The following UBIAD1 variants were observed in gnomAD, a reference collection of about 807,000 sequenced individuals.
UBIAD1 encodes the protein UbiA prenyltransferase domain containing 1, also known as ubiA prenyltransferase domain-containing protein 1.
A neutral mutation model predicts 20.1 loss-of-function variants in UBIAD1; 12 were observed. The ratio of observed to expected loss-of-function variants is 0.60; its 90% CI spans 0.38 to 0.97. The LOEUF (loss-of-function observed/expected upper bound fraction) is 0.97. Ranked by LOEUF, UBIAD1 falls within the 50% of genes least tolerant of loss-of-function variation. The probability of loss-of-function intolerance (pLI) is 0.00; values close to 1 mark genes in which losing one functional copy is unlikely to be tolerated. For synonymous variants in UBIAD1, 207 were observed against 189.2 expected, an observed-to-expected ratio of 1.09 and a Z score of -0.77; for missense variants, 333 against 419.5, an observed-to-expected ratio of 0.79 and a Z score of 1.80.
At chr1:11,296,667 G>A (rs1569915121), downstream of UBIAD1, among the ~76,000 whole-genome samples, 1 of 152,136 alleles carries the variant, frequency 6.6e-6, no homozygotes, top group Admixed American at 6.6e-5. Flanking sequence ...CTACAGGCTT[G>A]CACCACCATG....
intron 1 of UBIAD1, among the ~76,000 whole-genome samples, chr1:11,280,236 A>G (rs960223568): frequency 6.6e-6 from 1 of 152,058 alleles, no homozygotes; most frequent in African/African-American, 2.4e-5. Context: ...TGGGTGAGAG[A>G]GAGTGTGACA....
At chr1:11,274,636 G>A (rs2101013615) in intron 1 of UBIAD1, among the ~76,000 whole-genome samples, 1 of 151,554 alleles carries the variant, frequency 6.6e-6, no homozygotes, top group Non-Finnish European at 1.5e-5. Flanking sequence ...TTGAGACAGA[G>A]TCTCGCTCTG....
downstream of UBIAD1, among the ~76,000 whole-genome samples, chr1:11,292,668 T>TATATACACAC (rs1223161585): frequency 9.1e-4 from 128 of 140,738 alleles, 2 homozygotes; most frequent in South Asian, 0.01. Context: ...ATTTTATGTA[T>TATATACACAC]ACACACACAC....
At chr1:11,274,892 G>A (rs2788554) in intron 1 of UBIAD1, among the ~76,000 whole-genome samples, 1,598 of 152,160 alleles carry the variant, frequency 0.011, 41 homozygotes, top group African/African-American at 0.036. Context: ...ACAGGCGTGA[G>A]CCACCATGCC....
In UBIAD1 at chr1:11,288,144, C is replaced by T. The variant is rs1170927910; in HGVS notation, c.*2013C>T. On this transcript the variant is annotated 3_prime_UTR_variant, in exon 2 of 2. Transcript: ENST00000376810. ...TCACAGGGGTTTTGCCTTCTGACCTCTCCTTGGAGTAGGCCATTCTCATGC... is the reference window on the plus strand; with the variant it reads ...TCACAGGGGTTTTGCCTTCTGACCTTTCCTTGGAGTAGGCCATTCTCATGC... The T allele has an allele frequency of 1.3e-5, 2 of 152,174 alleles. No homozygotes were observed. The highest frequency in any genetic ancestry group is 2.9e-5 in the Non-Finnish European group (2 of 68,036). The allele number at this position is 152,174 out of a possible 1,614,324, so 9.4% of individuals were successfully genotyped here. A position where few individuals can be genotyped will look rare whatever the true frequency, so the allele number is the denominator to read the frequency against.
intron 1 of UBIAD1, among the ~76,000 whole-genome samples, chr1:11,281,491 G>A (rs796696565): frequency 1.6e-4 from 24 of 152,274 alleles, no homozygotes; most frequent in African/African-American, 5.8e-4. Context: ...TGAACAAATG[G>A]GAAGGCATTG....
Position 11,285,662 on chromosome 1 carries a change from TGG to T in UBIAD1, c.549_550del (p.Ala184SerfsTer113). 6.2e-7 allele frequency: 1 copy of T among 1,614,206 alleles called. No individual in the cohort carries two copies. Among genetic ancestry groups the T allele is most frequent in the Non-Finnish European group, 8.5e-7 (1 of 1,180,042 alleles). ...GCCGCAGGAATTGGATTCAAGTACG[TGG>T]CTCTGGGAGACCTCATCATCCTCAT... On this transcript the variant is annotated frameshift_variant, in exon 2 of 2. Coordinates refer to ENST00000376810, the MANE Select transcript of UBIAD1 (RefSeq NM_013319.3). LOFTEE classifies it high-confidence loss of function. This position sits in a 1 kb window ranked among gnomAD's most constrained non-coding sequence, Gnocchi z 4.4.
intron 1 of UBIAD1, among the ~76,000 whole-genome samples, chr1:11,282,171 T>C (rs1293213519): frequency 6.6e-6 from 1 of 152,188 alleles, no homozygotes; most frequent in Non-Finnish European, 1.5e-5. Flanking sequence ...CCAAACTGTT[T>C]TCTGAAGTGG....
intron 1 of UBIAD1, among the ~76,000 whole-genome samples, chr1:11,280,172 C>A (rs1652194720): frequency 6.6e-6 from 1 of 152,102 alleles, no homozygotes; most frequent in Non-Finnish European, 1.5e-5. Context: ...GAATTGGAGT[C>A]TGATTGTGAT....
intron 1 of UBIAD1, among the ~76,000 whole-genome samples, chr1:11,276,546 C>T (rs938179895): frequency 6.6e-6 from 1 of 151,724 alleles, no homozygotes; most frequent in Non-Finnish European, 1.5e-5. Context: ...TGCCTGTAGT[C>T]CTAGCTACTC....
Position 11,285,832 on chromosome 1 carries a change from G to A in UBIAD1, c.718G>A (p.Asp240Asn), listed in dbSNP as rs371811409. The change falls in exon 2 of 2, where the codon GAC (aspartate) becomes AAC (asparagine). Residue 240 changes from aspartate (D) to asparagine (N), a missense_variant. Coordinates refer to ENST00000376810, the MANE Select transcript of UBIAD1 (RefSeq NM_013319.3). The surrounding 1 kb of genome is among the most constrained non-coding windows in gnomAD (Gnocchi z 4.4). The part of the protein sequence containing the change: ...HSNNTRDMES[D>N]REAGIVTLAI... ...CAACAACACCAGGGACATGGAGTCC[G>A]ACCGGGAGGCTGGTATCGTCACGCT... is the stretch of plus-strand genomic sequence containing the variant. 2 of 1,614,010 alleles carry A rather than the reference G, an allele frequency of 1.2e-6. No homozygotes were observed. Among genetic ancestry groups the A allele is most frequent in the Non-Finnish European group, 1.7e-6 (2 of 1,180,040 alleles).
At chr1:11,298,609 A>T (rs539084395), downstream of UBIAD1, among the ~76,000 whole-genome samples, 2 of 129,484 alleles carry the variant, frequency 1.5e-5, no homozygotes, top group South Asian at 2.5e-4. This position sits in a 1 kb window ranked among gnomAD's most constrained non-coding sequence, Gnocchi z 4.0. Flanking sequence ...AATAAATAAA[A>T]GTTTCCCATG....
In UBIAD1 at chr1:11,285,702, G is replaced by A. The variant is rs1348305162; in HGVS notation, c.588G>A (p.Pro196=). Residue 196 remains proline, a synonymous_variant, in exon 2 of 2, where the codon CCG becomes CCA. Transcript: ENST00000376810. The surrounding 1 kb of genome is among the most constrained non-coding windows in gnomAD (Gnocchi z 4.4). ...GDLIILITFG[P]LAVMFAYAIQ... ...TCATCATCCTCATCACTTTTGGCCC[G>A]CTGGCTGTGATGTTCGCCTACGCCA... The A allele has an allele frequency of 5.0e-6, 8 of 1,614,020 alleles. No homozygotes were observed. The African/African-American group carries it at 5.3e-5, about 11-fold the overall frequency.
chr1:11,277,467 T>C (rs1177409354), intron 1 of UBIAD1, among the ~76,000 whole-genome samples: 1 of 151,986 alleles, frequency 6.6e-6, no homozygotes, highest in East Asian at 2.0e-4. Flanking sequence ...AGACGGGGTT[T>C]CGCCATGTTG....
rs1638257172 is a variant in UBIAD1 at position 11,286,015 on chromosome 1, C to T, written c.901C>T (p.Arg301Ter). 1.2e-6 allele frequency: 2 copies of T among 1,614,190 alleles called. No homozygotes were observed. The highest frequency in any genetic ancestry group is 2.2e-5 in the East Asian group (1 of 44,884). The change falls in exon 2 of 2, where the codon CGA becomes TGA. Residue 301 changes from arginine to a stop codon, truncating the protein, a stop_gained. Transcript: ENST00000376810. LOFTEE classifies it high-confidence loss of function. ...GGCCTTCTCCCTTGAGAGACAGTTTCGAAGCCAGGCCTTCAACAAACTGCC... is the reference window on the plus strand; with the variant it reads ...GGCCTTCTCCCTTGAGAGACAGTTTTGAAGCCAGGCCTTCAACAAACTGCC... ...PMAFSLERQF[R>*]SQAFNKLPQR...
Position 11,274,337 on chromosome 1 carries a change from C to A in UBIAD1, c.529+277C>A, listed in dbSNP as rs562106129. Reference sequence around the variant, plus strand: ...TTTTTGAGACGGAGTCTCGCTCTGTCGCCCAGGCTGGAGTGCAGTGGTGCG... The same window carrying A: ...TTTTTGAGACGGAGTCTCGCTCTGTAGCCCAGGCTGGAGTGCAGTGGTGCG... On this transcript the variant is annotated intron_variant, in intron 1 of 1. Transcript: ENST00000376810. 9.2e-5 allele frequency among the ~76,000 whole-genome samples: 14 copies of A among 151,366 alleles called. No homozygotes were observed. In the East Asian group the frequency reaches 2.4e-3, roughly 25 times the overall value.
rs886984900 is a variant in UBIAD1, at chr1:11,287,538, G to GT, written c.*1408dup. On this transcript the variant is annotated 3_prime_UTR_variant, in exon 2 of 2. Coordinates refer to ENST00000376810, the MANE Select transcript of UBIAD1 (RefSeq NM_013319.3). ...AAGGTCATGGCCTGCAGAAAATGAT[G>GT]TAAGAACTAGTTCTTAATCTTTCAG... The GT allele has an allele frequency of 8.5e-5, 13 of 152,222 alleles. No homozygotes were observed. The highest frequency in any genetic ancestry group is 1.4e-4 in the African/African-American group (6 of 41,452). The allele number at this position is 152,222 out of a possible 1,614,324, so 9.4% of individuals were successfully genotyped here. A position where few individuals can be genotyped will look rare whatever the true frequency, so the allele number is the denominator to read the frequency against.
In UBIAD1 at chr1:11,285,156, G is replaced by A. The variant is rs1430751088; in HGVS notation, c.530-488G>A. Among the ~76,000 whole-genome samples, 2 of 152,196 alleles carry A rather than the reference G, an allele frequency of 1.3e-5. No homozygotes were observed. Among genetic ancestry groups the A allele is most frequent in the African/African-American group, 2.4e-5 (1 of 41,442 alleles). Reference sequence around the variant, plus strand: ...GAAATTTCACTGAAATTCACTGGCCGTTTTTAAAACCAGAAGATGCCTTGA... The same window carrying A: ...GAAATTTCACTGAAATTCACTGGCCATTTTTAAAACCAGAAGATGCCTTGA... On this transcript the variant is annotated intron_variant, in intron 1 of 1. Coordinates refer to ENST00000376810, the MANE Select transcript of UBIAD1 (RefSeq NM_013319.3). The surrounding 1 kb of genome is among the most constrained non-coding windows in gnomAD (Gnocchi z 4.4).
intron 1 of UBIAD1, among the ~76,000 whole-genome samples, chr1:11,274,750 C>T (rs2744845): frequency 0.012 from 1,811 of 152,132 alleles, 46 homozygotes; most frequent in African/African-American, 0.041. Context: ...GCTGGGACTA[C>T]AGGCATGTGC....
Sources: gnomAD v4.1 joint callset for allele counts (sites outside exome capture counted in the v4.1 genomes callset) on GRCh38, gnomAD v4.1.1 for gene constraint, Gnocchi (gnomAD v3.1) non-coding constraint, MANE v1.5 for transcripts, NCBI Gene and HGNC (gene_info 2026-07-23, HGNC 2026-07-21) for gene names.